Variants in PRPH2 observed in about 807,000 individuals in gnomAD.
PRPH2 encodes the protein peripherin 2.
Under a neutral mutation model 31.3 loss-of-function variants are expected in PRPH2, and 17 were observed. That is an observed-to-expected ratio of 0.54 (90% CI 0.37 to 0.81). The LOEUF (loss-of-function observed/expected upper bound fraction) is 0.81. Ranked by LOEUF, PRPH2 falls within the 40% of genes least tolerant of loss-of-function variation. The pLI is 0.00. For missense variants in PRPH2, 430 were observed against 439.7 expected (o/e 0.98, Z 0.20); for synonymous variants, 165 against 184.4 (o/e 0.89, Z 0.85).
Position 42,722,520 on chromosome 6 carries a change from G to A in PRPH2, c.-186C>T. ...GATCCCCGTGAATGCAGTAGTGGTG[G>A]CAGGGGTCTCGGAATCACAGCTTGA... On this transcript the variant is annotated 5_prime_UTR_variant, in exon 1 of 3. Coordinates refer to ENST00000230381, the MANE Select transcript of PRPH2 (RefSeq NM_000322.5). This position sits in a 1 kb window ranked among gnomAD's most constrained non-coding sequence, Gnocchi z 4.4. The A allele has an allele frequency of 2.0e-6, 3 of 1,467,982 alleles. No homozygotes were observed. The highest frequency in any genetic ancestry group is 2.7e-6 in the Non-Finnish European group (3 of 1,114,816). 90.9% of individuals were successfully genotyped at this position (1,467,982 alleles called of 1,614,324 possible).
Position 42,722,343 on chromosome 6 carries a change from A to C in PRPH2, c.-9T>G, listed in dbSNP as rs1176156129. Reference sequence around the variant, plus strand: ...ACTTTCAGTAGCGCCATGCTTGCCAAGTGTAGTCCGGGTTGCTTCCCACAG... The same window carrying C: ...ACTTTCAGTAGCGCCATGCTTGCCACGTGTAGTCCGGGTTGCTTCCCACAG... On this transcript the variant is annotated 5_prime_UTR_variant, in exon 1 of 3. Coordinates refer to ENST00000230381, the MANE Select transcript of PRPH2 (RefSeq NM_000322.5). The surrounding 1 kb of genome is among the most constrained non-coding windows in gnomAD (Gnocchi z 4.4). 1.2e-6 allele frequency: 2 copies of C among 1,613,188 alleles called. No individual in the cohort carries two copies. Among genetic ancestry groups the C allele is most frequent in the Admixed American group, 1.7e-5 (1 of 60,006 alleles).
At chr6:42,709,343 A>AC (rs1800232460) in intron 1 of PRPH2, among the ~76,000 whole-genome samples, 2 of 142,818 alleles carry the variant, frequency 1.4e-5, no homozygotes, top group Non-Finnish European at 3.1e-5. Flanking sequence ...TTAAAAAAAA[A>AC]AAAAAAAAAA....
intron 1 of PRPH2, among the ~76,000 whole-genome samples, chr6:42,711,157 C>T (rs1216231721): frequency 3.3e-5 from 5 of 152,220 alleles, no homozygotes; most frequent in African/African-American, 4.8e-5. Context: ...GGATTACAAG[C>T]GCTCTGCCCT....
chr6:42,718,319 A>G (rs1761829179), intron 1 of PRPH2, among the ~76,000 whole-genome samples: 1 of 144,352 alleles, frequency 6.9e-6, no homozygotes, highest in African/African-American at 2.6e-5. Context: ...AAAAAAAATT[A>G]GCCCAGCATG....
chr6:42,704,887 A>G (rs1800126364), intron 1 of PRPH2, among the ~76,000 whole-genome samples: 1 of 152,240 alleles, frequency 6.6e-6, no homozygotes, highest in African/African-American at 2.4e-5. Flanking sequence ...CTGTGCTGCC[A>G]GGCGCTTTCT....
intron 1 of PRPH2, among the ~76,000 whole-genome samples, chr6:42,708,844 G>C (rs1338178908): frequency 6.6e-6 from 1 of 152,218 alleles, no homozygotes; most frequent in Non-Finnish European, 1.5e-5. Flanking sequence ...GCCTCTCAGG[G>C]GTTATGGGGG....
intron 1 of PRPH2, among the ~76,000 whole-genome samples, chr6:42,717,594 G>C (rs537889749): frequency 6.6e-6 from 1 of 152,084 alleles, no homozygotes; most frequent in Non-Finnish European, 1.5e-5. Context: ...TTCAGGGAAG[G>C]GTTTTGGAGA....
At chr6:42,716,963 T>G (rs1239163779) in intron 1 of PRPH2, among the ~76,000 whole-genome samples, 2 of 20,150 alleles carry the variant, frequency 9.9e-5, no homozygotes, top group East Asian at 3.2e-3. Flanking sequence ...CTTTCTTTTC[T>G]TTTTTTTTTT....
At chr6:42,699,417 G>C (rs1157350323) in intron 2 of PRPH2, among the ~76,000 whole-genome samples, 1 of 152,060 alleles carries the variant, frequency 6.6e-6, no homozygotes. Flanking sequence ...AAATAATTTG[G>C]ATTTGTTCAC....
intron 1 of PRPH2, among the ~76,000 whole-genome samples, chr6:42,719,968 G>T (rs879574806): frequency 4.6e-5 from 7 of 152,172 alleles, no homozygotes; most frequent in Non-Finnish European, 8.8e-5. Context: ...CATTAATCAA[G>T]TTATGGGTGA....
At chr6:42,705,644 C>T (rs1800149692) in intron 1 of PRPH2, among the ~76,000 whole-genome samples, 1 of 122,808 alleles carries the variant, frequency 8.1e-6, no homozygotes, top group South Asian at 2.8e-4. Context: ...GTGCACTTGA[C>T]TGGGTGCTTG....
intron 2 of PRPH2, among the ~76,000 whole-genome samples, chr6:42,700,656 C>A (rs1055302033): frequency 6.6e-6 from 1 of 152,190 alleles, no homozygotes; most frequent in African/African-American, 2.4e-5. Flanking sequence ...CCACTCTGAT[C>A]CCCTCCTGCT....
In PRPH2 at chr6:42,722,501, C is replaced by G. The variant is rs1322770706; in HGVS notation, c.-167G>C. On this transcript the variant is annotated 5_prime_UTR_variant, in exon 1 of 3. Coordinates refer to ENST00000230381, the MANE Select transcript of PRPH2 (RefSeq NM_000322.5). This position sits in a 1 kb window ranked among gnomAD's most constrained non-coding sequence, Gnocchi z 4.4. ...TCGAGTCCCACTAGCCTGGGATCCC[C>G]GTGAATGCAGTAGTGGTGGCAGGGG... 1 of 1,497,180 alleles carries G rather than the reference C, an allele frequency of 6.7e-7. No homozygotes were observed. The highest frequency in any genetic ancestry group is 8.9e-7 in the Non-Finnish European group (1 of 1,128,052). 92.7% of individuals were successfully genotyped at this position (1,497,180 alleles called of 1,614,324 possible).
Position 42,697,600 on chromosome 6 carries a change from A to G in PRPH2, c.*695T>C, listed in dbSNP as rs1453056138. The G allele has an allele frequency of 6.6e-6, 1 of 152,338 alleles. No homozygotes were observed. The highest frequency in any genetic ancestry group is 2.4e-5 in the African/African-American group (1 of 41,422). The allele number at this position is 152,338 out of a possible 1,614,324, so 9.4% of individuals were successfully genotyped here. On this transcript the variant is annotated 3_prime_UTR_variant, in exon 3 of 3. Coordinates refer to ENST00000230381, the MANE Select transcript of PRPH2 (RefSeq NM_000322.5). ...CCCGTGGTTCACTCCAGACTCAGTGACCGAGGGCATGTGAATGGGACACAA... is the reference window on the plus strand; with the variant it reads ...CCCGTGGTTCACTCCAGACTCAGTGGCCGAGGGCATGTGAATGGGACACAA...
intron 1 of PRPH2, among the ~76,000 whole-genome samples, chr6:42,711,443 G>A (rs1761638899): frequency 6.6e-6 from 1 of 152,336 alleles, no homozygotes; most frequent in East Asian, 1.9e-4. Context: ...GCCCCAGTCT[G>A]AGGGGGGAAT....
intron 1 of PRPH2, among the ~76,000 whole-genome samples, chr6:42,719,304 G>C (rs1258038555): frequency 1.3e-5 from 2 of 151,910 alleles, no homozygotes; most frequent in Non-Finnish European, 1.5e-5. Context: ...AGCCTCCCGA[G>C]TAGCTGAGAT....
Position 42,701,682 on chromosome 6 carries a change from A to ATTT in PRPH2, c.828+2680_828+2682dup, listed in dbSNP as rs70990127. On this transcript the variant is annotated intron_variant, in intron 2 of 2. Transcript: ENST00000230381. ...TAGGCATGCGCCACCACGTCCAGCAATTTTTTTTTTTTTTTTTTTTTTTTT... is the reference window on the plus strand; with the variant it reads ...TAGGCATGCGCCACCACGTCCAGCAATTTTTTTTTTTTTTTTTTTTTTTTTTTT... Among the ~76,000 whole-genome samples the ATTT allele has an allele frequency of 3.8e-3, 300 of 78,502 alleles. 30 individuals carry two copies. Among genetic ancestry groups the ATTT allele is most frequent in the African/African-American group, 0.014 (274 of 20,032 alleles). 51.5% of individuals were successfully genotyped at this position (78,502 alleles called of 152,430 possible).
rs551934443 is a variant in PRPH2 at position 42,697,944 on chromosome 6, C to T, written c.*351G>A. The T allele has an allele frequency of 8.1e-4, 235 of 289,422 alleles. No homozygotes were observed. Among genetic ancestry groups the T allele is most frequent in the Non-Finnish European group, 1.3e-3 (206 of 152,696 alleles). 17.9% of individuals were successfully genotyped at this position (289,422 alleles called of 1,614,324 possible). A position where few individuals can be genotyped will look rare whatever the true frequency, so the allele number is the denominator to read the frequency against. On this transcript the variant is annotated 3_prime_UTR_variant, in exon 3 of 3. Transcript: ENST00000230381. The stretch of plus-strand genomic sequence containing the variant: ...CTAAAAGGGGAGCAGCCCTCAGATA[C>T]GGCCAGTGGCCATAGGGTGGGACTA...
chr6:42,716,395 AT>A (rs201231118), intron 1 of PRPH2, among the ~76,000 whole-genome samples: 3,678 of 146,728 alleles, frequency 0.025, 64 homozygotes, highest in African/African-American at 0.044. Flanking sequence ...CCCTATCTCT[AT>A]TTTTTTTTTT....
Sources: allele counts gnomAD v4.1 joint callset (sites outside exome capture counted in the v4.1 genomes callset), GRCh38; gene constraint gnomAD v4.1.1; non-coding constraint Gnocchi (gnomAD v3.1); transcripts MANE v1.5; gene names NCBI Gene and HGNC (gene_info 2026-07-23, HGNC 2026-07-21).